TNNI3K: variants seen among roughly 807,000 people sequenced by gnomAD.
TNNI3K encodes the protein TNNI3 interacting kinase.
In TNNI3K, 140 loss-of-function variants were observed where a neutral mutation model predicts 114.5. The ratio of observed to expected loss-of-function variants is 1.22; its 90% CI spans 1.07 to 1.41. The LOEUF is 1.41. Ranked by LOEUF, TNNI3K falls within the 40% of genes most tolerant of loss-of-function variation. The probability of loss-of-function intolerance (pLI) is 0.00; values close to 1 mark genes in which losing one functional copy is unlikely to be tolerated. For missense variants in TNNI3K, 1,125 were observed against 1,007.6 expected, an observed-to-expected ratio of 1.12 and a Z score of -1.58; for synonymous variants, 347 against 347.5, an observed-to-expected ratio of 1.00 and a Z score of 0.02.
chr1:74,369,325 T>C lies in TNNI3K; in HGVS notation c.1472+61T>C, dbSNP rs372198714. The C allele has an allele frequency of 4.9e-4, 780 of 1,606,668 alleles. 1 individual carries two copies. The highest frequency in any genetic ancestry group is 6.3e-4 in the Non-Finnish European group (736 of 1,177,410). On this transcript the variant is annotated intron_variant, in intron 15 of 24. Transcript: ENST00000326637. ...GGAATTGTGACCTTTGAGAAGCATG[T>C]GCATGGCAAGCCCCTTGTTTGGATC...
chr1:74,398,878 G>A (rs887626757), intron 17 of TNNI3K, among the ~76,000 whole-genome samples: 1 of 152,016 alleles, frequency 6.6e-6, no homozygotes, highest in Non-Finnish European at 1.5e-5. Context: ...GAAACTAAAG[G>A]CTGAGTATGG....
rs1030792720 is a variant in TNNI3K, at chr1:74,370,658, G to A, written c.1772+266G>A. 5.1e-5 allele frequency: 13 copies of A among 255,956 alleles called. No individual in the cohort carries two copies. The Admixed American group carries it at 5.4e-4, about 11-fold the overall frequency. The allele number at this position is 255,956 out of a possible 1,614,324, so 15.9% of individuals were successfully genotyped here. The stretch of plus-strand genomic sequence containing the variant: ...ATCTGTAAGATGCACCAGCTAACTA[G>A]TTCCCAGGTCAGTAAGGTCACATCA... On this transcript the variant is annotated intron_variant, in intron 17 of 24. Transcript: ENST00000326637.
intron 20 of TNNI3K, among the ~76,000 whole-genome samples, chr1:74,451,177 A>T (rs1363734684): frequency 1.3e-5 from 2 of 152,172 alleles, no homozygotes; most frequent in Non-Finnish European, 2.9e-5. Context: ...GTTCTCACTT[A>T]TAAGCGGGAA....
At chr1:74,539,489 G>A (rs1646700557) in intron 23 of TNNI3K, among the ~76,000 whole-genome samples, 1 of 152,146 alleles carries the variant, frequency 6.6e-6, no homozygotes, top group Non-Finnish European at 1.5e-5. Context: ...CAGGTTTTGA[G>A]TCAGATGAAC....
intron 2 of TNNI3K, chr1:74,240,762 A>T (rs1381560313): frequency 1.3e-5 from 2 of 151,958 alleles, no homozygotes; most frequent in Non-Finnish European, 2.9e-5. Context: ...CAGAAAAGTT[A>T]TAATTTTTCT....
At chr1:74,475,490 C>A (rs751288422) in intron 21 of TNNI3K, 2 of 716,860 alleles carry the variant, frequency 2.8e-6, no homozygotes, top group South Asian at 3.0e-5. Flanking sequence ...GTGCTGCCTA[C>A]CCCACGGTCT....
chr1:74,512,804 G>A (rs1036466097), intron 23 of TNNI3K, among the ~76,000 whole-genome samples: 2 of 152,128 alleles, frequency 1.3e-5, no homozygotes, highest in Non-Finnish European at 2.9e-5. Context: ...ACTGTTGGGA[G>A]CTTCATACTG....
intron 5 of TNNI3K, among the ~76,000 whole-genome samples, chr1:74,311,460 A>G (rs910924203): frequency 1.3e-5 from 2 of 152,208 alleles, no homozygotes; most frequent in Admixed American, 6.5e-5. Context: ...AACTAGGGCT[A>G]GGATTCCATA....
rs570107368 is a variant in TNNI3K, at chr1:74,529,948, A to C, written c.2352-10286A>C. On this transcript the variant is annotated intron_variant, in intron 23 of 24. Coordinates refer to ENST00000326637, the MANE Select transcript of TNNI3K (RefSeq NM_015978.3). ...TGTCCTTTCTCCTGTGTTGAAGTTTACCTGTACATGCCTATGGGTTTTTTT... is the reference window on the plus strand; with the variant it reads ...TGTCCTTTCTCCTGTGTTGAAGTTTCCCTGTACATGCCTATGGGTTTTTTT... 7.2e-5 allele frequency among the ~76,000 whole-genome samples: 11 copies of C among 152,078 alleles called. No individual in the cohort carries two copies. In the South Asian group the frequency reaches 2.1e-3, roughly 29 times the overall value.
At position 74,463,466 on chromosome 1, in the gene TNNI3K, C is replaced by T. The variant is rs1300809650; in HGVS notation, c.2037C>T (p.Tyr679=). 1 of 1,614,194 alleles carries T rather than the reference C, an allele frequency of 6.2e-7. No homozygotes were observed. Among genetic ancestry groups the T allele is most frequent in the East Asian group, 2.2e-5 (1 of 44,888 alleles). ...CGGCTGCGGCAGCAGACATGGCTTA[C>T]CACCACATCAGACCTCCCATTGGCT... ...KPAAAAADMA[Y]HHIRPPIGYS... Residue 679 remains tyrosine (Y), a synonymous_variant, in exon 21 of 25, where the codon TAC becomes TAT. Coordinates refer to ENST00000326637, the MANE Select transcript of TNNI3K (RefSeq NM_015978.3).
chr1:74,392,579 C>G (rs1206422533), intron 17 of TNNI3K, among the ~76,000 whole-genome samples: 1 of 152,182 alleles, frequency 6.6e-6, no homozygotes, highest in Non-Finnish European at 1.5e-5. Flanking sequence ...ACCCCTGATT[C>G]AATTTCTTGC....
chr1:74,255,919 C>A (rs1655261005), intron 4 of TNNI3K, among the ~76,000 whole-genome samples: 1 of 152,156 alleles, frequency 6.6e-6, no homozygotes, highest in Non-Finnish European at 1.5e-5. Context: ...TATCATAAGG[C>A]TATTGGGATT....
intron 4 of TNNI3K, 132 bp downstream of exon 4, chr1:74,250,901 G>A (rs1237518511): frequency 7.3e-6 from 5 of 686,114 alleles, no homozygotes; most frequent in South Asian, 2.8e-5. Context: ...CATTACTAAA[G>A]GACTTCTTTC....
At chr1:74,398,929 C>A (rs186656310) in intron 17 of TNNI3K, among the ~76,000 whole-genome samples, 1 of 151,880 alleles carries the variant, frequency 6.6e-6, no homozygotes, top group African/African-American at 2.4e-5. Context: ...GAGGCCAAGG[C>A]GGGTGGATCA....
intron 5 of TNNI3K, among the ~76,000 whole-genome samples, chr1:74,293,099 G>A (rs914359522): frequency 6.6e-6 from 1 of 151,460 alleles, no homozygotes; most frequent in East Asian, 1.9e-4. Context: ...AAGGCATTTT[G>A]TAAATGGCAT....
rs561354438 is a variant in TNNI3K, at chr1:74,236,109, G to C, written c.48G>C (p.Trp16Cys). Residue 16 changes from tryptophan to cysteine, a missense_variant, in exon 2 of 25, where the codon TGG becomes TGC. Physicochemically the swap from Trp to Cys is radical, Grantham distance 215. Coordinates refer to ENST00000326637, the MANE Select transcript of TNNI3K (RefSeq NM_015978.3). ...TTTGTTCTTCTTTACTAGATGAATG[G>C]AAGAAAAAAGTCAGTGAATCATATG... is the stretch of plus-strand genomic sequence containing the variant. ...SRPTQTCTDE[W>C]KKKVSESYVI... The C allele has an allele frequency of 1.9e-6, 3 of 1,604,172 alleles. No individual in the cohort carries two copies. The South Asian group carries it at 3.3e-5, about 18-fold the overall frequency.
intron 23 of TNNI3K, among the ~76,000 whole-genome samples, chr1:74,514,689 G>A (rs1415565036): frequency 6.6e-6 from 1 of 152,112 alleles, no homozygotes; most frequent in African/African-American, 2.4e-5. Context: ...AAAGCCATGT[G>A]TGCTCTTTTT....
intron 1 of TNNI3K, 84 bp downstream of exon 1, chr1:74,235,575 G>A (rs191624620): frequency 2.7e-6 from 2 of 747,160 alleles, no homozygotes; most frequent in East Asian, 2.9e-5. Flanking sequence ...ATTGGAATAT[G>A]TGTTAATTTG....
intron 23 of TNNI3K, among the ~76,000 whole-genome samples, chr1:74,508,739 GATAAC>G (rs1670033492): frequency 6.6e-6 from 1 of 152,206 alleles, no homozygotes; most frequent in Admixed American, 6.5e-5. Flanking sequence ...GTGCTTTGCT[GATAAC>G]ATAAGTGGGA....
Sources: gnomAD v4.1 joint callset for allele counts (sites outside exome capture counted in the v4.1 genomes callset) on GRCh38, gnomAD v4.1.1 for gene constraint, MANE v1.5 for transcripts, NCBI Gene and HGNC (gene_info 2026-07-23, HGNC 2026-07-21) for gene names.